The following DIS3L2 variants were observed in gnomAD, a reference collection of about 807,000 sequenced individuals.
DIS3L2 encodes the protein DIS3 like 3'-5' exoribonuclease 2.
In DIS3L2, 34 loss-of-function variants were observed where a neutral mutation model predicts 97.5. The observed-to-expected ratio is 0.35, with a 90% CI of 0.27 to 0.46. DIS3L2 has a LOEUF of 0.46. Among genes scored for constraint, DIS3L2 ranks in the 20% least tolerant of loss-of-function variants. The pLI is 1.00. For missense variants in DIS3L2, 1,038 were observed against 1,146.0 expected (o/e 0.91, Z 1.36); for synonymous variants, 435 against 445.2 (o/e 0.98, Z 0.29).
At chr2:232,072,675 C>A (rs1165324056) in intron 5 of DIS3L2, among the ~76,000 whole-genome samples, 1 of 152,038 alleles carries the variant, frequency 6.6e-6, no homozygotes, top group East Asian at 1.9e-4. Context: ...AGCAGGGAGA[C>A]CCCTTACATG....
rs1694622391 is a variant in DIS3L2, at chr2:232,292,176, G to A, written c.1660-7864G>A. Among the ~76,000 whole-genome samples the A allele has an allele frequency of 6.6e-6, 1 of 152,120 alleles. No individual in the cohort carries two copies. Among genetic ancestry groups the A allele is most frequent in the Non-Finnish European group, 1.5e-5 (1 of 68,030 alleles). On this transcript the variant is annotated intron_variant, in intron 13 of 20. Transcript: ENST00000325385. The surrounding 1 kb of genome is among the most constrained non-coding windows in gnomAD (Gnocchi z 4.4). Reference sequence around the variant, plus strand: ...CCTGGCCCACTGTCTTCACCAGGCTGGGATCCAAAATAAGGTCACATATCT... The same window carrying A: ...CCTGGCCCACTGTCTTCACCAGGCTAGGATCCAAAATAAGGTCACATATCT...
At chr2:232,333,764 T>TG in intron 16 of DIS3L2, 76 bp from the exon 17 acceptor site, 27 of 1,444,480 alleles carry the variant, frequency 1.9e-5, no homozygotes, top group Admixed American at 1.4e-4. Flanking sequence ...ACGGTGAGGC[T>TG]GTGGGTGGTG....
chr2:232,139,689 G>T (rs1305772383), intron 8 of DIS3L2, among the ~76,000 whole-genome samples: 1 of 152,100 alleles, frequency 6.6e-6, no homozygotes, highest in African/African-American at 2.4e-5. Context: ...AGGTAAAGGG[G>T]GAAATCCAGG....
intron 5 of DIS3L2, among the ~76,000 whole-genome samples, chr2:232,068,600 G>GTA (rs1193921363): frequency 6.6e-6 from 1 of 151,046 alleles, no homozygotes; most frequent in Non-Finnish European, 1.5e-5. Flanking sequence ...AAAGTTATAT[G>GTA]TATATATATT....
At chr2:232,109,325 C>T (rs868780137) in intron 6 of DIS3L2, among the ~76,000 whole-genome samples, 2 of 152,044 alleles carry the variant, frequency 1.3e-5, no homozygotes, top group South Asian at 4.2e-4. Context: ...TCTGTAATCT[C>T]AGTTACTCAG....
chr2:232,337,718 C>A (rs1696010899), downstream of DIS3L2, among the ~76,000 whole-genome samples: 1 of 151,802 alleles, frequency 6.6e-6, no homozygotes, highest in South Asian at 2.1e-4. Flanking sequence ...CCTGGGGTGT[C>A]CGGATTAACA....
chr2:232,027,311 A>C (rs1694685877), intron 4 of DIS3L2, among the ~76,000 whole-genome samples: 1 of 152,118 alleles, frequency 6.6e-6, no homozygotes, highest in Non-Finnish European at 1.5e-5. Flanking sequence ...TATAAAATGT[A>C]TGGGATGAAA....
rs981208161 is a variant in DIS3L2 at position 232,325,893 on chromosome 2, G to T, written c.1740-3920G>T. On this transcript the variant is annotated intron_variant, in intron 14 of 20. Transcript: ENST00000325385. The surrounding 1 kb of genome is among the most constrained non-coding windows in gnomAD (Gnocchi z 4.6). ...CCACATCAGAGGAGGAAGGTATGAGGCCAGGGCAGGGGGCAGGGCGCCCTC... is the reference window on the plus strand; with the variant it reads ...CCACATCAGAGGAGGAAGGTATGAGTCCAGGGCAGGGGGCAGGGCGCCCTC... 6.6e-6 allele frequency among the ~76,000 whole-genome samples: 1 copy of T among 152,204 alleles called. No individual in the cohort carries two copies. The highest frequency in any genetic ancestry group is 6.5e-5 in the Admixed American group (1 of 15,286).
chr2:232,256,946 T>C (rs11693436), intron 12 of DIS3L2, among the ~76,000 whole-genome samples: 2,248 of 152,116 alleles, frequency 0.015, 21 homozygotes, highest in Non-Finnish European at 0.022. Flanking sequence ...GGTGAAACCC[T>C]GTCTCTACTA....
At chr2:232,090,986 T>C (rs1696819347) in intron 6 of DIS3L2, among the ~76,000 whole-genome samples, 1 of 152,214 alleles carries the variant, frequency 6.6e-6, no homozygotes, top group East Asian at 1.9e-4. Flanking sequence ...AGTAGTTTCT[T>C]TGAGGACGAC....
At chr2:232,086,266 CGT>C (rs1381423246) in intron 5 of DIS3L2, among the ~76,000 whole-genome samples, 2 of 148,618 alleles carry the variant, frequency 1.3e-5, no homozygotes, top group Non-Finnish European at 3.0e-5. Context: ...GACGTGTATA[CGT>C]GTATATACAT....
At chr2:232,228,025 T>C (rs767928241) in intron 10 of DIS3L2, among the ~76,000 whole-genome samples, 6 of 152,206 alleles carry the variant, frequency 3.9e-5, no homozygotes, top group Non-Finnish European at 7.3e-5. Flanking sequence ...TGGAGTGCGA[T>C]GGTGCTATCT....
In DIS3L2 at chr2:232,238,613, G is replaced by C. The variant is rs750852437; in HGVS notation, c.1285G>C (p.Glu429Gln). The change falls in exon 11 of 21, where the codon GAG (glutamate) becomes CAG (glutamine). Residue 429 changes from glutamate (E) to glutamine (Q), a missense_variant. Physicochemically the swap from Glu to Gln is conservative, Grantham distance 29. Coordinates refer to ENST00000325385, the MANE Select transcript of DIS3L2 (RefSeq NM_152383.5). ...ATCTGATCTGGATAAAGTGGCTGCC[G>C]AGAGGGCTACAAGCGTCTACTTGGT... ...EGSDLDKVAA[E>Q]RATSVYLVQK... 3 of 1,614,180 alleles carry C rather than the reference G, an allele frequency of 1.9e-6. No homozygotes were observed. In the South Asian group the frequency reaches 3.3e-5, roughly 18 times the overall value.
chr2:232,144,355 G>A (rs76615925), intron 8 of DIS3L2, among the ~76,000 whole-genome samples: 1,562 of 152,214 alleles, frequency 0.01, 23 homozygotes, highest in African/African-American at 0.035. Context: ...GGTAAAAATA[G>A]TGATAATCGT....
intron 1 of DIS3L2, among the ~76,000 whole-genome samples, chr2:232,004,558 G>C (rs866234228): frequency 6.7e-6 from 1 of 150,100 alleles, no homozygotes; most frequent in East Asian, 1.9e-4. Flanking sequence ...TTCAGATATT[G>C]TATTTATTAA....
intron 14 of DIS3L2, among the ~76,000 whole-genome samples, chr2:232,313,577 T>G (rs961116240): frequency 1.3e-5 from 2 of 152,250 alleles, no homozygotes; most frequent in African/African-American, 4.8e-5. Flanking sequence ...AAAATACCAC[T>G]TTTGTCATAG....
At chr2:232,091,080 C>G (rs1696823872) in intron 6 of DIS3L2, among the ~76,000 whole-genome samples, 1 of 152,130 alleles carries the variant, frequency 6.6e-6, no homozygotes, top group African/African-American at 2.4e-5. Context: ...TCCCCAATCC[C>G]CCTTTGAGAT....
rs187232596 is a variant in DIS3L2 at position 232,200,559 on chromosome 2, G to A, written c.1125-9767G>A. ...ATCAAAAAGAATAGTAGTGGTAGTCGTGGTAATGGATTATAACACAGTGAA... is the reference window on the plus strand; with the variant it reads ...ATCAAAAAGAATAGTAGTGGTAGTCATGGTAATGGATTATAACACAGTGAA... On this transcript the variant is annotated intron_variant, in intron 9 of 20. Coordinates refer to ENST00000325385, the MANE Select transcript of DIS3L2 (RefSeq NM_152383.5). 3.8e-3 allele frequency among the ~76,000 whole-genome samples: 578 copies of A among 152,098 alleles called. 3 individuals carry two copies. Among genetic ancestry groups the A allele is most frequent in the Admixed American group, 0.011 (171 of 15,284 alleles).
At chr2:232,188,271 G>T (rs1329860541) in intron 9 of DIS3L2, among the ~76,000 whole-genome samples, 2 of 152,160 alleles carry the variant, frequency 1.3e-5, no homozygotes, top group African/African-American at 2.4e-5. Context: ...CTTTTCTTGG[G>T]TAATGAAAAT....
Sources: allele counts gnomAD v4.1 joint callset (sites outside exome capture counted in the v4.1 genomes callset), GRCh38; gene constraint gnomAD v4.1.1; non-coding constraint Gnocchi (gnomAD v3.1); transcripts MANE v1.5; gene names NCBI Gene and HGNC (gene_info 2026-07-23, HGNC 2026-07-21).